OSBPL9: variants seen among roughly 807,000 people sequenced by gnomAD.
OSBPL9 encodes the protein oxysterol-binding protein-related protein 9.
OSBPL9 carries 40 observed loss-of-function variants against 106.6 expected under a neutral mutation model. The observed-to-expected ratio is 0.38, with a 90% confidence interval of 0.29 to 0.49. The LOEUF is 0.49. OSBPL9 is among the 20% of genes least tolerant of loss of function. The probability of loss-of-function intolerance (pLI) is 0.97; values close to 1 mark genes in which losing one functional copy is unlikely to be tolerated. For missense variants in OSBPL9, 609 were observed against 887.2 expected, an observed-to-expected ratio of 0.69 and a Z score of 3.98; for synonymous variants, 269 against 295.4, an observed-to-expected ratio of 0.91 and a Z score of 0.92.
chr1:51,597,502 T>C lies in OSBPL9; in HGVS notation c.-422-622T>C, dbSNP rs574208037. 2.8e-4 allele frequency among the ~76,000 whole-genome samples: 42 copies of C among 150,818 alleles called. 1 individual carries two copies. Among genetic ancestry groups the C allele is most frequent in the South Asian group, 4.2e-4 (2 of 4,760 alleles). ...AAAGGATAGATTGTATATATATATA[T>C]ACACACACACATATATATATACACA... On this transcript the variant is annotated intron_variant, in intron 1 of 25. Coordinates refer to the OSBPL9 transcript ENST00000371714.
intron 14 of OSBPL9, among the ~76,000 whole-genome samples, chr1:51,775,603 C>CATTT (rs564959096): frequency 2.5e-3 from 373 of 151,918 alleles, no homozygotes; most frequent in Admixed American, 3.7e-3. Context: ...AGCTTGCTTG[C>CATTT]ATTTATTTAT....
At chr1:51,574,205 G>A (rs959519456), upstream of OSBPL9, 1 of 152,202 alleles carries the variant, frequency 6.6e-6, no homozygotes, top group Non-Finnish European at 1.5e-5. Context: ...CACTATTTGT[G>A]TATTATCATG....
At chr1:51,706,564 G>A (rs1426259591) in intron 3 of OSBPL9, among the ~76,000 whole-genome samples, 1 of 151,674 alleles carries the variant, frequency 6.6e-6, no homozygotes, top group Non-Finnish European at 1.5e-5. Flanking sequence ...CCTATCTATT[G>A]AATGTTTGCC....
At chr1:51,526,219 C>G in the OSBPL9 span, among the ~76,000 whole-genome samples, 5 of 152,156 alleles carry the variant, frequency 3.3e-5, no homozygotes, top group Non-Finnish European at 7.4e-5. Context: ...TATTATTTTC[C>G]TGGTTAAAAC....
rs376295991 is a variant in OSBPL9, at chr1:51,678,398, T to C, written c.241+8886T>C. Among the ~76,000 whole-genome samples, 43 of 152,306 alleles carry C rather than the reference T, an allele frequency of 2.8e-4. No homozygotes were observed. In the East Asian group the frequency reaches 3.3e-3, roughly 12 times the overall value. On this transcript the variant is annotated intron_variant, in intron 3 of 23. Coordinates refer to ENST00000428468, the MANE Select transcript of OSBPL9 (RefSeq NM_024586.6). Reference sequence around the variant, plus strand: ...TGCAGTGGCCGGGTGCAGTGGCTCATGCCTGTAATTTCAGCACTTTGGGAG... The same window carrying C: ...TGCAGTGGCCGGGTGCAGTGGCTCACGCCTGTAATTTCAGCACTTTGGGAG...
intron 9 of OSBPL9, chr1:51,756,618 G>T: frequency 2.5e-6 from 1 of 400,726 alleles, no homozygotes. Context: ...ATCATGGTAT[G>T]AATACTCAGC....
At chr1:51,551,889 A>G in the OSBPL9 span, among the ~76,000 whole-genome samples, 1 of 151,916 alleles carries the variant, frequency 6.6e-6, no homozygotes, top group Non-Finnish European at 1.5e-5. Context: ...CACCGTGTCC[A>G]GCCTTCCAAC....
Position 51,788,074 on chromosome 1 carries a change from A to G in OSBPL9, c.*285A>G, listed in dbSNP as rs144712794. 118 of 422,784 alleles carry G rather than the reference A, an allele frequency of 2.8e-4. No individual in the cohort carries two copies. Among genetic ancestry groups the G allele is most frequent in the African/African-American group, 2.2e-3 (109 of 49,810 alleles). The allele number at this position is 422,784 out of a possible 1,614,324, so 26.2% of individuals were successfully genotyped here. On this transcript the variant is annotated 3_prime_UTR_variant, in exon 24 of 24. Coordinates refer to ENST00000428468, the MANE Select transcript of OSBPL9 (RefSeq NM_024586.6). ...CAAACACCACACGTTGAAAGCATTT[A>G]TAAATCCAAGTCTGAAACTCTGCGC...
chr1:51,646,681 G>A (rs568657361), intron 1 of OSBPL9, among the ~76,000 whole-genome samples: 1 of 152,056 alleles, frequency 6.6e-6, no homozygotes, highest in Non-Finnish European at 1.5e-5. Context: ...GGGACTACAG[G>A]CGCCCACCAC....
chr1:51,713,325 T>A (rs1660458351), intron 3 of OSBPL9, among the ~76,000 whole-genome samples: 1 of 151,936 alleles, frequency 6.6e-6, no homozygotes, highest in Non-Finnish European at 1.5e-5. Flanking sequence ...AATTTTTGTA[T>A]TTTTAGTAGA....
At chr1:51,772,493 G>A in intron 13 of OSBPL9, 112 bp from the exon 14 acceptor site, 1 of 911,680 alleles carries the variant, frequency 1.1e-6, no homozygotes, top group Non-Finnish European at 1.8e-6. Flanking sequence ...TCCAGCCTGG[G>A]CGAAAGAATG....
chr1:51,752,608 AT>A, intron 8 of OSBPL9: 1 of 452,792 alleles, frequency 2.2e-6, no homozygotes, highest in Non-Finnish European at 4.4e-6. Context: ...ACAGAAGTTT[AT>A]TTTCTCACCG....
At chr1:51,525,195 C>T in the OSBPL9 span, among the ~76,000 whole-genome samples, 1 of 152,212 alleles carries the variant, frequency 6.6e-6, no homozygotes, top group Non-Finnish European at 1.5e-5. Context: ...AGCTCAGCCC[C>T]ATTTGACTGG....
At chr1:51,522,903 C>G in the OSBPL9 span, among the ~76,000 whole-genome samples, 8 of 152,104 alleles carry the variant, frequency 5.3e-5, no homozygotes, top group African/African-American at 1.9e-4. Context: ...ATTTAACTCT[C>G]TACCCTTCAG....
At position 51,729,808 on chromosome 1, in the gene OSBPL9, G is replaced by T. The variant is rs549618477; in HGVS notation, c.319-15728G>T. 2 of 1,237,654 alleles carry T rather than the reference G, an allele frequency of 1.6e-6. No individual in the cohort carries two copies. Among genetic ancestry groups the T allele is most frequent in the Non-Finnish European group, 2.0e-6 (2 of 983,326 alleles). 76.7% of individuals were successfully genotyped at this position (1,237,654 alleles called of 1,614,324 possible). ...GCCGGGGAGGGGACGGGAAAGGGGT[G>T]GGGGGTGAAGGGGGTGAAGGGGGTG... On this transcript the variant is annotated intron_variant, in intron 4 of 23. Transcript: ENST00000428468. The surrounding 1 kb of genome is among the most constrained non-coding windows in gnomAD (Gnocchi z 5.1).
chr1:51,686,517 C>T (rs1437265563), intron 3 of OSBPL9, among the ~76,000 whole-genome samples: 1 of 152,214 alleles, frequency 6.6e-6, no homozygotes, highest in Non-Finnish European at 1.5e-5. Flanking sequence ...ACTGTATTAG[C>T]AATGTTTTCA....
intron 17 of OSBPL9, 95 bp downstream of exon 17, chr1:51,782,738 G>T (rs924983460): frequency 3.6e-5 from 37 of 1,024,860 alleles, no homozygotes; most frequent in African/African-American, 9.6e-5. Context: ...ACTGTCAGTT[G>T]TGTGACTAGC....
At chr1:51,566,804 C>G in the OSBPL9 span, among the ~76,000 whole-genome samples, 1 of 152,182 alleles carries the variant, frequency 6.6e-6, no homozygotes, top group East Asian at 1.9e-4. Flanking sequence ...ACCTGTCTTT[C>G]TGCCTGTCCC....
chr1:51,617,154 T>A lies in OSBPL9; in HGVS notation c.44T>A (p.Val15Glu). 6.2e-7 allele frequency: 1 copy of A among 1,613,646 alleles called. No homozygotes were observed. Among genetic ancestry groups the A allele is most frequent in the Non-Finnish European group, 8.5e-7 (1 of 1,179,884 alleles). The change falls in exon 1 of 24, where the codon GTG becomes GAG. Residue 15 changes from valine to glutamate, a missense_variant. Val to Glu is a moderately radical substitution (Grantham distance 121). This residue lies in a region of OSBPL9 where 30 missense variants were observed against 21.8 expected (regional missense o/e 1.37). Transcript: ENST00000428468. ...GGGCCGCTGAGCAAATGGACTAACG[T>A]GATGAAGGGCTGGCAGTACCGTTGG... ...MEGPLSKWTN[V>E]MKGWQYRWFV...
Sources: gnomAD v4.1 joint callset for allele counts (sites outside exome capture counted in the v4.1 genomes callset) on GRCh38, gnomAD v4.1.1 for gene constraint, gnomAD v4.1.1 regional missense constraint, Gnocchi (gnomAD v3.1) non-coding constraint, MANE v1.5 for transcripts, NCBI Gene and HGNC (gene_info 2026-07-23, HGNC 2026-07-21) for gene names.